Variants in LYST observed in about 807,000 individuals in gnomAD.
LYST encodes the protein lysosomal trafficking regulator.
Under a neutral mutation model 413.6 loss-of-function variants are expected in LYST, and 192 were observed. The observed-to-expected ratio is 0.46, with a 90% CI of 0.41 to 0.52. The LOEUF is 0.52. Among genes scored for constraint, LYST ranks in the 20% least tolerant of loss-of-function variants. The probability of loss-of-function intolerance (pLI) is 0.00; values close to 1 mark genes in which losing one functional copy is unlikely to be tolerated. For missense variants in LYST, 3,815 were observed against 4,499.9 expected (o/e 0.85, Z 4.35); for synonymous variants, 1,525 against 1,567.3 (o/e 0.97, Z 0.64).
chr1:235,781,158 A>G, intron 15 of LYST, 103 bp from the exon 16 acceptor site: 1 of 758,276 alleles, frequency 1.3e-6, no homozygotes, highest in South Asian at 1.6e-5. Flanking sequence ...AGATTCTTTC[A>G]GTTGTTCACT....
At chr1:235,818,813 T>C (rs6684806) in intron 3 of LYST, among the ~76,000 whole-genome samples, 9,313 of 152,216 alleles carry the variant, frequency 0.061, 961 homozygotes, top group African/African-American at 0.21. Flanking sequence ...TTGCTCCACA[T>C]ACTGGCAAAT....
chr1:235,751,916 G>A, intron 27 of LYST, 89 bp downstream of exon 27: 1 of 909,934 alleles, frequency 1.1e-6, no homozygotes, highest in Non-Finnish European at 1.7e-6. Context: ...TTTAGTAAAA[G>A]AGTTTCTAAG....
intron 20 of LYST, 93 bp downstream of exon 20, chr1:235,770,067 G>T: frequency 1.8e-6 from 2 of 1,123,354 alleles, no homozygotes; most frequent in Non-Finnish European, 2.6e-6. Context: ...AAGAAAAAAA[G>T]TCCCATTGAA....
intron 50 of LYST, among the ~76,000 whole-genome samples, chr1:235,667,383 C>T (rs1213560984): frequency 6.6e-6 from 1 of 152,198 alleles, no homozygotes; most frequent in African/African-American, 2.4e-5. Flanking sequence ...CCCCAGAAAT[C>T]ACTGATTACA....
At chr1:235,849,743 A>G (rs1678303858) in intron 1 of LYST, among the ~76,000 whole-genome samples, 1 of 151,276 alleles carries the variant, frequency 6.6e-6, no homozygotes, top group Admixed American at 6.6e-5. Flanking sequence ...GGAGAATCAA[A>G]TAAAAGAACT....
chr1:235,867,605 C>T (rs1321716960), upstream of LYST, among the ~76,000 whole-genome samples: 2 of 152,120 alleles, frequency 1.3e-5, no homozygotes, highest in African/African-American at 2.4e-5. Context: ...CCCTAATAGA[C>T]CAGTCCCTCC....
rs928256690 is a variant in LYST, at chr1:235,701,217, C to T, written c.10374+1530G>A. On this transcript the variant is annotated intron_variant, in intron 45 of 52. Coordinates refer to ENST00000389793, the MANE Select transcript of LYST (RefSeq NM_000081.4). ...GCAGGCTGGTACCATGTTCCCACTG[C>T]GAGCAGACATACTGCTCAGATACAA... is the stretch of plus-strand genomic sequence containing the variant. Among the ~76,000 whole-genome samples, 5 of 152,080 alleles carry T rather than the reference C, an allele frequency of 3.3e-5. No homozygotes were observed. In the South Asian group the frequency reaches 6.2e-4, roughly 19 times the overall value.
Position 235,663,081 on chromosome 1 carries a change from G to A in LYST, c.11268-3C>T. 1 of 1,525,552 alleles carries A rather than the reference G, an allele frequency of 6.6e-7. No homozygotes were observed. The highest frequency in any genetic ancestry group is 8.8e-7 in the Non-Finnish European group (1 of 1,133,284). 94.5% of individuals were successfully genotyped at this position (1,525,552 alleles called of 1,614,324 possible). ...GGCCATCACAAGAAAATGTAAGGCT[G>A]TAAAAAAAAAAAAATTCCCATTTGT... On this transcript the variant is annotated splice_polypyrimidine_tract_variant and splice_region_variant and intron_variant, in intron 52 of 52. Transcript: ENST00000389793.
rs1664327075 is a variant in LYST at position 235,730,963 on chromosome 1, A to T, written c.8948-20T>A. On this transcript the variant is annotated intron_variant, in intron 35 of 52. Coordinates refer to ENST00000389793, the MANE Select transcript of LYST (RefSeq NM_000081.4). ...CAACATCTGTTGAGGAGAAAAGTAA[A>T]TATTATCTTTATCTAATGACCATAG... 6.2e-7 allele frequency: 1 copy of T among 1,607,614 alleles called. No homozygotes were observed. Among genetic ancestry groups the T allele is most frequent in the African/African-American group, 1.3e-5 (1 of 74,782 alleles).
chr1:235,864,745 A>G (rs1463687433), intron 1 of LYST, among the ~76,000 whole-genome samples: 2 of 152,218 alleles, frequency 1.3e-5, no homozygotes, highest in African/African-American at 4.8e-5. Flanking sequence ...CAGCCTGGGC[A>G]ACAATGGCGA....
chr1:235,789,857 T>C (rs899102048), intron 12 of LYST, among the ~76,000 whole-genome samples: 1 of 152,132 alleles, frequency 6.6e-6, no homozygotes, highest in African/African-American at 2.4e-5. Context: ...AGTGTGTACC[T>C]AGGAATTATA....
In LYST at chr1:235,702,992, AGTAAAG is replaced by A. The variant is rs1201607956; in HGVS notation, c.10144-21_10144-16del. The A allele has an allele frequency of 1.3e-6, 2 of 1,551,352 alleles. No homozygotes were observed. The highest frequency in any genetic ancestry group is 2.2e-5 in the South Asian group (2 of 89,702). On this transcript the variant is annotated splice_polypyrimidine_tract_variant and intron_variant, in intron 44 of 52. Coordinates refer to ENST00000389793, the MANE Select transcript of LYST (RefSeq NM_000081.4). ...CCAAAATATGTCTGCAGAGTGAAAG[AGTAAAG>A]GAACAAGACATATGTAGTAAAAAGA...
intron 21 of LYST, among the ~76,000 whole-genome samples, chr1:235,763,692 C>T (rs1667824515): frequency 1.3e-5 from 2 of 151,904 alleles, no homozygotes; most frequent in South Asian, 2.1e-4. Flanking sequence ...CTCCTGGCCT[C>T]AAGTGATCCA....
chr1:235,877,103 G>A (rs1681170470), intron 1 of LYST, among the ~76,000 whole-genome samples: 1 of 152,226 alleles, frequency 6.6e-6, no homozygotes, highest in Non-Finnish European at 1.5e-5. Flanking sequence ...AAACAGAAAG[G>A]CTTGTTTTCC....
chr1:235,663,788 T>G (rs2103006029), intron 52 of LYST, among the ~76,000 whole-genome samples, 196 bp downstream of exon 52: 1 of 152,306 alleles, frequency 6.6e-6, no homozygotes, highest in South Asian at 2.1e-4. Flanking sequence ...CTGACTCGGA[T>G]TTTAAGCTCC....
intron 7 of LYST, among the ~76,000 whole-genome samples, chr1:235,803,316 T>C (rs1240251426): frequency 6.6e-6 from 1 of 152,066 alleles, no homozygotes; most frequent in Non-Finnish European, 1.5e-5. Context: ...AATAAATAAA[T>C]CTATGTAAGA....
intron 52 of LYST, 138 bp downstream of exon 52, chr1:235,663,846 C>T (rs1434187263): frequency 1.3e-6 from 1 of 748,522 alleles, no homozygotes; most frequent in Non-Finnish European, 2.4e-6. Context: ...CACGGACAAC[C>T]CGCTGTGTGT....
In LYST at chr1:235,709,235, A is replaced by G. The variant is rs1662214792; in HGVS notation, c.9999T>C (p.Asp3333=). The G allele has an allele frequency of 6.2e-7, 1 of 1,614,050 alleles. No individual in the cohort carries two copies. Among genetic ancestry groups the G allele is most frequent in the Non-Finnish European group, 8.5e-7 (1 of 1,180,034 alleles). ...GATGGATGAGGATAAAAAGACGAGG[A>G]TCATTACGCGCCCAAGGGGGAAGGT... ...HVNLPPWARN[D]PRLFILIHRQ... is the part of the protein sequence containing the mutation. The change falls in exon 44 of 53, where the codon GAT becomes GAC. Residue 3333 remains aspartate, a synonymous_variant. Transcript: ENST00000389793.
In LYST at chr1:235,798,578, T is replaced by TAAAAAAAAAAAAAAA. The variant is rs71174462; in HGVS notation, c.4006+1727_4006+1741dup. ...TGGCGACAAGGGCAAAACCCTGTCA[T>TAAAAAAAAAAAAAAA]AAAAAAAAAAAAAAAAAAAAAAAAA... On this transcript the variant is annotated intron_variant, in intron 10 of 52. Coordinates refer to ENST00000389793, the MANE Select transcript of LYST (RefSeq NM_000081.4). Among the ~76,000 whole-genome samples, 7 of 81,712 alleles carry TAAAAAAAAAAAAAAA rather than the reference T, an allele frequency of 8.6e-5. 1 individual carries two copies. Among genetic ancestry groups the TAAAAAAAAAAAAAAA allele is most frequent in the Non-Finnish European group, 1.4e-4 (6 of 41,408 alleles). The allele number at this position is 81,712 out of a possible 152,430, so 53.6% of individuals were successfully genotyped here.
Sources: allele counts gnomAD v4.1 joint callset (sites outside exome capture counted in the v4.1 genomes callset), GRCh38; gene constraint gnomAD v4.1.1; transcripts MANE v1.5; gene names NCBI Gene and HGNC (gene_info 2026-07-23, HGNC 2026-07-21).